The following PDE4B variants were observed in gnomAD, a reference collection of about 807,000 sequenced individuals.
PDE4B encodes phosphodiesterase 4B.
PDE4B carries 20 observed loss-of-function variants against 82.2 expected under a neutral mutation model. The ratio of observed to expected loss-of-function variants is 0.24; its 90% CI spans 0.17 to 0.35. The LOEUF is 0.35. Among genes scored for constraint, PDE4B ranks in the 10% least tolerant of loss-of-function variants. The pLI is 1.00. For missense variants in PDE4B, 655 were observed against 907.2 expected, an observed-to-expected ratio of 0.72 and a Z score of 3.57; for synonymous variants, 320 against 318.9, an observed-to-expected ratio of 1.00 and a Z score of -0.04.
intron 3 of PDE4B, among the ~76,000 whole-genome samples, chr1:66,201,766 A>G (rs1183035283): frequency 1.3e-5 from 2 of 151,806 alleles, no homozygotes; most frequent in African/African-American, 2.4e-5. Flanking sequence ...CTAGCGGTCT[A>G]TCAATTTTGT....
At chr1:66,219,579 G>T (rs1183051047) in intron 3 of PDE4B, among the ~76,000 whole-genome samples, 2 of 152,124 alleles carry the variant, frequency 1.3e-5, no homozygotes, top group Non-Finnish European at 2.9e-5. Context: ...TCTACCTTTG[G>T]ATTCTGCACC....
intron 3 of PDE4B, among the ~76,000 whole-genome samples, chr1:66,119,811 CTAATA>C (rs981916459): frequency 5.3e-5 from 8 of 152,118 alleles, no homozygotes; most frequent in Non-Finnish European, 1.2e-4. Context: ...GGGCCCTAAT[CTAATA>C]TGACTGGTAT....
At chr1:66,106,475 C>T (rs143425655) in intron 3 of PDE4B, among the ~76,000 whole-genome samples, 4,351 of 151,986 alleles carry the variant, frequency 0.029, 235 homozygotes, top group African/African-American at 0.098. Context: ...GGAGGATTCC[C>T]TCTTTTTCTA....
intron 3 of PDE4B, among the ~76,000 whole-genome samples, chr1:66,213,449 T>G (rs1276118766): frequency 2.0e-5 from 3 of 152,168 alleles, no homozygotes; most frequent in Non-Finnish European, 4.4e-5. Flanking sequence ...CCCTAGATCT[T>G]TGCTACATAC....
chr1:66,164,378 TACA>T, intron 3 of PDE4B, among the ~76,000 whole-genome samples: 1 of 150,416 alleles, frequency 6.6e-6, no homozygotes, highest in South Asian at 2.1e-4. Context: ...CTACTAAAAA[TACA>T]AAAAAATAGC....
chr1:66,058,066 G>A (rs554592234), intron 3 of PDE4B, among the ~76,000 whole-genome samples: 22 of 152,320 alleles, frequency 1.4e-4, no homozygotes, highest in African/African-American at 5.1e-4. Flanking sequence ...TGGGGGTACA[G>A]CTATTGGGAA....
At chr1:66,305,310 C>A (rs1433748098) in intron 7 of PDE4B, among the ~76,000 whole-genome samples, 1 of 152,026 alleles carries the variant, frequency 6.6e-6, no homozygotes, top group Non-Finnish European at 1.5e-5. Flanking sequence ...CTGTGAAAAT[C>A]CTATTGAATA....
chr1:65,932,713 A>G (rs1647906678), intron 3 of PDE4B, among the ~76,000 whole-genome samples: 1 of 152,180 alleles, frequency 6.6e-6, no homozygotes, highest in South Asian at 2.1e-4. Flanking sequence ...AGAACAATGC[A>G]TGAACATGAG....
At chr1:65,998,642 G>T (rs973457013) in intron 3 of PDE4B, among the ~76,000 whole-genome samples, 5 of 152,018 alleles carry the variant, frequency 3.3e-5, no homozygotes, top group African/African-American at 1.2e-4. Flanking sequence ...ACAAATTATG[G>T]TTTATGGAAA....
intron 1 of PDE4B, among the ~76,000 whole-genome samples, chr1:65,830,088 A>G (rs972262114): frequency 6.6e-6 from 1 of 152,196 alleles, no homozygotes; most frequent in Middle Eastern, 3.2e-3. Flanking sequence ...TCAGAAAATA[A>G]ATAAGTGCTC....
chr1:65,910,205 A>G (rs1350155071), intron 1 of PDE4B, among the ~76,000 whole-genome samples: 1 of 152,236 alleles, frequency 6.6e-6, no homozygotes, highest in African/African-American at 2.4e-5. Flanking sequence ...TAAATCCTCC[A>G]TCTCTGTTAG....
chr1:65,944,917 C>A (rs1449657482), intron 3 of PDE4B, among the ~76,000 whole-genome samples: 1 of 151,750 alleles, frequency 6.6e-6, no homozygotes, highest in Admixed American at 6.6e-5. Flanking sequence ...ACTTTGGGCT[C>A]CTTATACCAG....
chr1:65,925,396 G>T (rs1158980960), intron 3 of PDE4B, among the ~76,000 whole-genome samples: 1 of 151,998 alleles, frequency 6.6e-6, no homozygotes, highest in Non-Finnish European at 1.5e-5. Flanking sequence ...GTGCAAAAAA[G>T]TATACCTATC....
At chr1:65,845,001 T>G (rs1416015303) in intron 1 of PDE4B, among the ~76,000 whole-genome samples, 1 of 152,208 alleles carries the variant, frequency 6.6e-6, no homozygotes, top group African/African-American at 2.4e-5. Flanking sequence ...CAGTCCCAGC[T>G]GCTGAATTTG....
At chr1:65,797,923 G>C (rs1645649415) in intron 1 of PDE4B, among the ~76,000 whole-genome samples, 1 of 152,162 alleles carries the variant, frequency 6.6e-6, no homozygotes, top group Non-Finnish European at 1.5e-5. Context: ...TCACTAAGCA[G>C]TCCATTTCCC....
intron 3 of PDE4B, among the ~76,000 whole-genome samples, chr1:66,137,592 T>G (rs1189476119): frequency 6.6e-6 from 1 of 152,188 alleles, no homozygotes; most frequent in Non-Finnish European, 1.5e-5. Flanking sequence ...TTCAGAACAC[T>G]TAAGTGGCTT....
intron 8 of PDE4B, among the ~76,000 whole-genome samples, chr1:66,344,955 C>G (rs763214094): frequency 3.9e-5 from 6 of 152,184 alleles, no homozygotes; most frequent in Non-Finnish European, 8.8e-5. Context: ...GCGTTATTCT[C>G]TTTGAGTTAT....
chr1:66,368,153 G>T, intron 15 of PDE4B, 88 bp downstream of exon 15: 1 of 1,423,178 alleles, frequency 7.0e-7, no homozygotes, highest in Non-Finnish European at 9.7e-7. Flanking sequence ...GATAAATTCA[G>T]TTATTGGTAT....
intron 3 of PDE4B, among the ~76,000 whole-genome samples, chr1:66,112,415 G>C (rs569840262): frequency 5.9e-5 from 9 of 152,254 alleles, no homozygotes; most frequent in South Asian, 4.1e-4. Context: ...GTGTGACTAG[G>C]AACATTGGTA....
Sources: allele counts gnomAD v4.1 joint callset (sites outside exome capture counted in the v4.1 genomes callset), GRCh38; gene constraint gnomAD v4.1.1; transcripts MANE v1.5; gene names NCBI Gene and HGNC (gene_info 2026-07-23, HGNC 2026-07-21).